The following LAMA1 variants were observed in gnomAD, a reference collection of about 807,000 sequenced individuals.
LAMA1 encodes the protein laminin subunit alpha 1, also known as laminin subunit alpha-1.
A neutral mutation model predicts 348.7 loss-of-function variants in LAMA1; 219 were observed. That is an observed-to-expected ratio of 0.63 (90% CI 0.56 to 0.70). The LOEUF (loss-of-function observed/expected upper bound fraction) is 0.70. Among genes scored for constraint, LAMA1 ranks in the 30% least tolerant of loss-of-function variants. The pLI is 0.00. For synonymous variants in LAMA1, 1,487 were observed against 1,491.0 expected (o/e 1.00, Z 0.06); for missense variants, 3,744 against 3,888.0 (o/e 0.96, Z 0.99).
At chr18:7,007,852 G>A (rs1475619596) in intron 28 of LAMA1, among the ~76,000 whole-genome samples, 1 of 152,054 alleles carries the variant, frequency 6.6e-6, no homozygotes, top group Non-Finnish European at 1.5e-5. Flanking sequence ...GATGAGCCTT[G>A]AGGACATTAT....
intron 36 of LAMA1, among the ~76,000 whole-genome samples, chr18:6,987,563 A>C (rs2057740772): frequency 6.6e-6 from 1 of 152,234 alleles, no homozygotes; most frequent in Non-Finnish European, 1.5e-5. Context: ...GCTGCATAGA[A>C]TAATAAAATT....
intron 3 of LAMA1, among the ~76,000 whole-genome samples, chr18:7,055,851 G>A (rs147034103): frequency 0.017 from 2,516 of 152,188 alleles, 63 homozygotes; most frequent in African/African-American, 0.057. Context: ...GGAGGCCGAG[G>A]CGGGCGGATC....
intron 55 of LAMA1, 101 bp downstream of exon 55, chr18:6,958,376 G>C (rs1004255848): frequency 7.4e-7 from 1 of 1,352,920 alleles, no homozygotes; most frequent in African/African-American, 1.4e-5. Flanking sequence ...AATTTGCAAA[G>C]TTTTCAATCT....
Position 6,969,989 on chromosome 18 carries a change from G to T in LAMA1, c.6899+1868C>A, listed in dbSNP as rs890569204. On this transcript the variant is annotated intron_variant, in intron 48 of 62. Coordinates refer to ENST00000389658, the MANE Select transcript of LAMA1 (RefSeq NM_005559.4). Reference sequence around the variant, plus strand: ...AGGGGGACTTTTTCATACTAGAAATGTTTAATTTCTGTTAACCATTTTTCT... The same window carrying T: ...AGGGGGACTTTTTCATACTAGAAATTTTTAATTTCTGTTAACCATTTTTCT... Among the ~76,000 whole-genome samples, 3 of 152,188 alleles carry T rather than the reference G, an allele frequency of 2.0e-5. No homozygotes were observed. The East Asian group carries it at 5.8e-4, about 29-fold the overall frequency.
At chr18:6,968,484 G>A (rs185259522) in intron 48 of LAMA1, among the ~76,000 whole-genome samples, 1 of 152,308 alleles carries the variant, frequency 6.6e-6, no homozygotes, top group African/African-American at 2.4e-5. Context: ...GATGTCTGAG[G>A]ACATAAATGT....
intron 51 of LAMA1, among the ~76,000 whole-genome samples, 162 bp from the exon 52 acceptor site, chr18:6,962,221 A>G (rs1465140660): frequency 6.6e-6 from 1 of 152,116 alleles, no homozygotes; most frequent in Non-Finnish European, 1.5e-5. Context: ...CACGAGTTTG[A>G]GACAAGCCAG....
At chr18:7,099,920 G>T (rs1022457252) in intron 1 of LAMA1, among the ~76,000 whole-genome samples, 1 of 151,796 alleles carries the variant, frequency 6.6e-6, no homozygotes, top group Admixed American at 6.6e-5. Context: ...TTAGCCGGGT[G>T]TGGTGGTGAG....
At chr18:7,059,506 G>C (rs1174553243) in intron 3 of LAMA1, among the ~76,000 whole-genome samples, 1 of 152,178 alleles carries the variant, frequency 6.6e-6, no homozygotes, top group Non-Finnish European at 1.5e-5. Context: ...AAGGAATCCA[G>C]ACAGGAATGT....
chr18:7,086,429 C>A (rs913757892), intron 1 of LAMA1, among the ~76,000 whole-genome samples: 1 of 152,122 alleles, frequency 6.6e-6, no homozygotes, highest in African/African-American at 2.4e-5. Context: ...CCCTTTGTAC[C>A]TTTCATAGAT....
rs183689828 is a variant in LAMA1 at position 6,955,322 on chromosome 18, C to T, written c.8207+31G>A. On this transcript the variant is annotated intron_variant, in intron 57 of 62. Coordinates refer to ENST00000389658, the MANE Select transcript of LAMA1 (RefSeq NM_005559.4). ...CACCCCCATACATCTAGCAATGAGA[C>T]GCCGCATAAGGATGTTAGAATGATA... The T allele has an allele frequency of 6.6e-4, 1,012 of 1,528,706 alleles. 11 individuals are homozygous for T. The East Asian group carries it at 0.017, about 25-fold the overall frequency. 94.7% of individuals were successfully genotyped at this position (1,528,706 alleles called of 1,614,324 possible).
In LAMA1 at chr18:7,079,972, T is replaced by G; in HGVS notation, c.345+3A>C. On this transcript the variant is annotated splice_donor_region_variant and intron_variant, in intron 3 of 62. Coordinates refer to ENST00000389658, the MANE Select transcript of LAMA1 (RefSeq NM_005559.4). ...ACTCTTCAATGGTTCTGGGCTCACC[T>G]ACCTGTCTTAAGTCCAGAGTGATTG... 6.2e-7 allele frequency: 1 copy of G among 1,605,592 alleles called. No homozygotes were observed. The highest frequency in any genetic ancestry group is 8.5e-7 in the Non-Finnish European group (1 of 1,172,190).
At chr18:7,115,191 T>C (rs2058350680) in intron 1 of LAMA1, among the ~76,000 whole-genome samples, 1 of 152,182 alleles carries the variant, frequency 6.6e-6, no homozygotes, top group South Asian at 2.1e-4. Context: ...CATACTTTAC[T>C]GTGGAGCACA....
At chr18:7,033,953 C>T (rs1043925127) in intron 14 of LAMA1, among the ~76,000 whole-genome samples, 3 of 152,108 alleles carry the variant, frequency 2.0e-5, no homozygotes, top group Non-Finnish European at 2.9e-5. Flanking sequence ...CCAGGCTGGT[C>T]TCAAACTCCT....
At position 6,988,557 on chromosome 18, in the gene LAMA1, T is replaced by C. The variant is rs1002490045; in HGVS notation, c.5169-2210A>G. Among the ~76,000 whole-genome samples the C allele has an allele frequency of 3.3e-5, 5 of 152,280 alleles. No homozygotes were observed. In the South Asian group the frequency reaches 1.0e-3, roughly 32 times the overall value. Reference sequence around the variant, plus strand: ...GCTCATGCCTGTAATCCCCGCACTTTGGGAGGCCAAGGCGGGCAGATCACC... The same window carrying C: ...GCTCATGCCTGTAATCCCCGCACTTCGGGAGGCCAAGGCGGGCAGATCACC... On this transcript the variant is annotated intron_variant, in intron 36 of 62. Transcript: ENST00000389658.
intron 1 of LAMA1, among the ~76,000 whole-genome samples, chr18:7,095,414 T>C (rs1194125261): frequency 6.6e-6 from 1 of 152,170 alleles, no homozygotes; most frequent in Non-Finnish European, 1.5e-5. Flanking sequence ...CACCCCCCAC[T>C]ATGATGTACA....
intron 48 of LAMA1, among the ~76,000 whole-genome samples, chr18:6,969,312 T>C (rs1275734540): frequency 2.0e-5 from 3 of 152,170 alleles, no homozygotes; most frequent in Non-Finnish European, 4.4e-5. Context: ...GTGCTGGGAT[T>C]ACAGGCGTGA....
At chr18:6,962,204 C>T in intron 51 of LAMA1, 145 bp from the exon 52 acceptor site, 1 of 697,952 alleles carries the variant, frequency 1.4e-6, no homozygotes, top group Non-Finnish European at 2.6e-6. Flanking sequence ...GAAGGATTAC[C>T]TAAGCCCACG....
At chr18:7,098,089 A>G (rs28597093) in intron 1 of LAMA1, among the ~76,000 whole-genome samples, 75,413 of 145,892 alleles carry the variant, frequency 0.52, 20,356 homozygotes, top group East Asian at 0.59. Context: ...AACCGCAAGT[A>G]ATCCGCCAGC....
At chr18:6,994,898 C>CCTGAAGT (rs2057774377) in intron 34 of LAMA1, among the ~76,000 whole-genome samples, 1 of 152,096 alleles carries the variant, frequency 6.6e-6, no homozygotes, top group Non-Finnish European at 1.5e-5. Flanking sequence ...CAGCCTGAAG[C>CCTGAAGT]CTGAAGTTTG....
Sources: allele counts gnomAD v4.1 joint callset (sites outside exome capture counted in the v4.1 genomes callset), GRCh38; gene constraint gnomAD v4.1.1; transcripts MANE v1.5; gene names NCBI Gene and HGNC (gene_info 2026-07-23, HGNC 2026-07-21).